RAB3C: variants seen among roughly 807,000 people sequenced by gnomAD.
The protein encoded by RAB3C is ras-related protein Rab-3C.
RAB3C carries 17 observed loss-of-function variants against 26.4 expected under a neutral mutation model. The observed-to-expected ratio is 0.64, with a 90% CI of 0.44 to 0.97. RAB3C has a LOEUF of 0.97. RAB3C is among the 50% of genes least tolerant of loss of function. RAB3C has a pLI of 0.00. For missense variants in RAB3C, 242 were observed against 281.9 expected (o/e 0.86, Z 1.01); for synonymous variants, 91 against 95.9 (o/e 0.95, Z 0.30).
intron 3 of RAB3C, among the ~76,000 whole-genome samples, chr5:58,735,189 A>G (rs1381493859): frequency 6.6e-6 from 1 of 152,224 alleles, no homozygotes; most frequent in African/African-American, 2.4e-5. Context: ...TGCAACGAGC[A>G]CAAAAATACG....
chr5:58,838,378 CAA>C (rs35356886), intron 4 of RAB3C, among the ~76,000 whole-genome samples: 193 of 141,632 alleles, frequency 1.4e-3, no homozygotes, highest in East Asian at 3.3e-3. Context: ...GACTCCCTCT[CAA>C]AAAAAAAAAA....
At chr5:58,851,101 C>A in intron 4 of RAB3C, 63 bp from the exon 5 acceptor site, 1 of 1,477,926 alleles carries the variant, frequency 6.8e-7, no homozygotes, top group South Asian at 1.3e-5. Context: ...AAGCCATAAT[C>A]AAGTCCCATT....
intron 2 of RAB3C, among the ~76,000 whole-genome samples, chr5:58,658,957 C>T (rs996690793): frequency 1.3e-5 from 2 of 152,108 alleles, no homozygotes; most frequent in African/African-American, 4.8e-5. Flanking sequence ...GAGCAAGTCG[C>T]AAGTCCAGCC....
chr5:58,761,540 T>G lies in RAB3C; in HGVS notation c.371+35420T>G, dbSNP rs993744649. ...TGTTTCCAAGGTAACCAATCATATC[T>G]CTAGAAAGCTTAGCTAAGCTTGTAT... On this transcript the variant is annotated intron_variant, in intron 3 of 4. Coordinates refer to ENST00000282878, the MANE Select transcript of RAB3C (RefSeq NM_138453.4). Among the ~76,000 whole-genome samples the G allele has an allele frequency of 6.6e-5, 10 of 152,174 alleles. No individual in the cohort carries two copies. The East Asian group carries it at 1.7e-3, about 26-fold the overall frequency.
intron 3 of RAB3C, among the ~76,000 whole-genome samples, chr5:58,730,206 A>G (rs1356482652): frequency 6.6e-6 from 1 of 151,626 alleles, no homozygotes; most frequent in Non-Finnish European, 1.5e-5. Flanking sequence ...AGACTATCTT[A>G]TTTATCTGTA....
At chr5:58,824,341 G>A (rs192657739) in intron 3 of RAB3C, among the ~76,000 whole-genome samples, 12 of 111,100 alleles carry the variant, frequency 1.1e-4, no homozygotes, top group Admixed American at 4.5e-4. Context: ...ATCAAAAGTT[G>A]GTTAATTTGT....
At chr5:58,848,114 CA>C (rs1357954013) in intron 4 of RAB3C, among the ~76,000 whole-genome samples, 1 of 152,196 alleles carries the variant, frequency 6.6e-6, no homozygotes. Context: ...CCTCAGCCTC[CA>C]AAAGTGCTGG....
At chr5:58,788,313 C>G (rs982187818) in intron 3 of RAB3C, 1 of 152,270 alleles carries the variant, frequency 6.6e-6, no homozygotes, top group Non-Finnish European at 1.5e-5. Context: ...GTTTAATGCA[C>G]TTGCTGTAGG....
intron 2 of RAB3C, among the ~76,000 whole-genome samples, chr5:58,701,622 G>A (rs750810025): frequency 1.8e-4 from 27 of 152,208 alleles, no homozygotes; most frequent in Non-Finnish European, 3.2e-4. Flanking sequence ...TGGGTCTTCA[G>A]GGCTGTGTTC....
chr5:58,720,183 A>G lies in RAB3C; in HGVS notation c.253-5819A>G, dbSNP rs192168397. 1.5e-4 allele frequency among the ~76,000 whole-genome samples: 23 copies of G among 152,070 alleles called. No homozygotes were observed. The East Asian group carries it at 4.5e-3, about 30-fold the overall frequency. On this transcript the variant is annotated intron_variant, in intron 2 of 4. Coordinates refer to ENST00000282878, the MANE Select transcript of RAB3C (RefSeq NM_138453.4). ...GATATTACTTGAGTTATGTTTCATT[A>G]CTAATGGTTACTCTCATTTTCCCTT...
chr5:58,666,934 T>C (rs985205659), intron 2 of RAB3C, among the ~76,000 whole-genome samples: 2 of 152,182 alleles, frequency 1.3e-5, no homozygotes, highest in African/African-American at 4.8e-5. Context: ...TTTTATTGCA[T>C]CTGAACATTT....
intron 3 of RAB3C, chr5:58,794,524 A>G (rs1742600651): frequency 6.6e-6 from 1 of 152,178 alleles, no homozygotes; most frequent in Non-Finnish European, 1.5e-5. Context: ...TTAAAAAAAA[A>G]AAACATTCTT....
intron 2 of RAB3C, among the ~76,000 whole-genome samples, chr5:58,695,416 G>C (rs952004887): frequency 6.6e-6 from 1 of 152,084 alleles, no homozygotes; most frequent in Non-Finnish European, 1.5e-5. Context: ...GCTCTTTGTT[G>C]GTTCCATATG....
At chr5:58,804,967 G>A (rs1004895069) in intron 3 of RAB3C, among the ~76,000 whole-genome samples, 6 of 150,136 alleles carry the variant, frequency 4.0e-5, no homozygotes, top group African/African-American at 1.2e-4. Context: ...ACTAGATATT[G>A]CAGTAGTAAA....
At chr5:58,614,636 C>A (rs1681642840) in intron 1 of RAB3C, among the ~76,000 whole-genome samples, 1 of 151,980 alleles carries the variant, frequency 6.6e-6, no homozygotes, top group South Asian at 2.1e-4. Context: ...CCATTACCTT[C>A]TTTGCTGCTA....
chr5:58,641,176 A>T (rs1747405342), intron 2 of RAB3C, among the ~76,000 whole-genome samples: 1 of 152,158 alleles, frequency 6.6e-6, no homozygotes. Flanking sequence ...TTGACCCCTA[A>T]AAGAATGGAG....
intron 3 of RAB3C, among the ~76,000 whole-genome samples, chr5:58,752,447 C>T (rs926580184): frequency 2.7e-5 from 4 of 148,694 alleles, no homozygotes; most frequent in Admixed American, 1.4e-4. Flanking sequence ...AACTACAGTA[C>T]GGAAAGCTTA....
At chr5:58,799,069 A>G (rs1264856411) in intron 3 of RAB3C, among the ~76,000 whole-genome samples, 1 of 152,196 alleles carries the variant, frequency 6.6e-6, no homozygotes, top group Non-Finnish European at 1.5e-5. Context: ...TAATTGGGGA[A>G]ATTTGAATAT....
chr5:58,796,564 G>T (rs1247551317), intron 3 of RAB3C, among the ~76,000 whole-genome samples: 1 of 152,218 alleles, frequency 6.6e-6, no homozygotes, highest in Non-Finnish European at 1.5e-5. Flanking sequence ...GAATTGTAAA[G>T]AGATTATTTA....
Sources: allele counts gnomAD v4.1 joint callset (sites outside exome capture counted in the v4.1 genomes callset), GRCh38; gene constraint gnomAD v4.1.1; transcripts MANE v1.5; gene names NCBI Gene and HGNC (gene_info 2026-07-23, HGNC 2026-07-21).